The following LMO7 variants were observed in gnomAD, a reference collection of about 807,000 sequenced individuals.
The protein encoded by LMO7 is LIM domain 7, also known as LIM domain only protein 7.
Under a neutral mutation model 206.5 loss-of-function variants are expected in LMO7, and 120 were observed. The observed-to-expected ratio is 0.58, with a 90% CI of 0.50 to 0.68. The LOEUF is 0.68. LMO7 is among the 30% of genes least tolerant of loss of function. The pLI is 0.00. For synonymous variants in LMO7, 706 were observed against 681.5 expected, an observed-to-expected ratio of 1.04 and a Z score of -0.56; for missense variants, 1,959 against 1,957.9, an observed-to-expected ratio of 1.00 and a Z score of -0.01.
intron 27 of LMO7, among the ~76,000 whole-genome samples, chr13:75,849,499 TC>T (rs2060305022): frequency 5.5e-5 from 8 of 146,024 alleles, no homozygotes; most frequent in Middle Eastern, 3.5e-3. Context: ...TTTTTTTTTT[TC>T]TTTTTTTTTT....
chr13:75,773,262 C>T (rs1409225003), intron 4 of LMO7, among the ~76,000 whole-genome samples: 1 of 151,930 alleles, frequency 6.6e-6, no homozygotes, highest in Non-Finnish European at 1.5e-5. Context: ...TGGAGGTGGG[C>T]AGATTGGAGG....
chr13:75,732,371 C>G (rs1221136684), intron 3 of LMO7, among the ~76,000 whole-genome samples: 3 of 124,224 alleles, frequency 2.4e-5, no homozygotes, highest in Non-Finnish European at 5.2e-5. Context: ...TCATTTCATT[C>G]ATTTCATCTT....
At chr13:75,681,065 C>G (rs2040444146) in intron 1 of LMO7, among the ~76,000 whole-genome samples, 2 of 151,770 alleles carry the variant, frequency 1.3e-5, no homozygotes, top group African/African-American at 4.8e-5. Flanking sequence ...AATATTAGAC[C>G]TTTGTCAGAT....
At chr13:75,724,766 A>G (rs1269590367) in intron 2 of LMO7, among the ~76,000 whole-genome samples, 3 of 152,148 alleles carry the variant, frequency 2.0e-5, no homozygotes, top group South Asian at 2.1e-4. Context: ...ATGGGTGTTC[A>G]GTATTTGCCA....
chr13:75,790,637 C>T (rs918139459), intron 4 of LMO7, among the ~76,000 whole-genome samples: 1 of 152,134 alleles, frequency 6.6e-6, no homozygotes, highest in Non-Finnish European at 1.5e-5. Flanking sequence ...AAAAGAGGAT[C>T]AGACCTAGAG....
intron 3 of LMO7, among the ~76,000 whole-genome samples, chr13:75,746,227 C>G (rs1024243784): frequency 2.0e-5 from 3 of 151,982 alleles, no homozygotes; most frequent in Admixed American, 6.6e-5. Context: ...AAGAGAGAAT[C>G]TGTGGAGGAT....
chr13:75,783,139 T>C (rs1594954786), intron 4 of LMO7, among the ~76,000 whole-genome samples: 1 of 152,198 alleles, frequency 6.6e-6, no homozygotes, highest in Admixed American at 6.5e-5. Flanking sequence ...GTATATTTTA[T>C]GCACAGATGT....
intron 3 of LMO7, among the ~76,000 whole-genome samples, chr13:75,744,186 G>A (rs2046644451): frequency 6.6e-6 from 1 of 152,220 alleles, no homozygotes; most frequent in East Asian, 1.9e-4. Flanking sequence ...CCAATTAAAG[G>A]TCAGTGTCAC....
At chr13:75,742,479 C>G (rs1364084046) in intron 3 of LMO7, among the ~76,000 whole-genome samples, 1 of 152,094 alleles carries the variant, frequency 6.6e-6, no homozygotes, top group Non-Finnish European at 1.5e-5. Flanking sequence ...AACTATACTA[C>G]AGGGCTATGG....
intron 3 of LMO7, among the ~76,000 whole-genome samples, chr13:75,728,708 T>C (rs2044751914): frequency 7.5e-6 from 1 of 133,824 alleles, no homozygotes; most frequent in African/African-American, 3.2e-5. Context: ...CCCATGCCTA[T>C]ATCCTGAATG....
At chr13:75,805,239 T>C in intron 8 of LMO7, 1 of 1,151,028 alleles carries the variant, frequency 8.7e-7, no homozygotes, top group Non-Finnish European at 1.1e-6. Context: ...GTTATGTGCC[T>C]CTTCCTTTTA....
chr13:75,733,977 A>T (rs1416874134), intron 3 of LMO7, among the ~76,000 whole-genome samples: 2 of 152,218 alleles, frequency 1.3e-5, no homozygotes, highest in Admixed American at 1.3e-4. Flanking sequence ...TGTTTCTGCC[A>T]CATGATGCTT....
intron 3 of LMO7, among the ~76,000 whole-genome samples, chr13:75,755,396 A>G (rs1283902799): frequency 1.3e-5 from 2 of 151,818 alleles, no homozygotes; most frequent in Non-Finnish European, 2.9e-5. Flanking sequence ...TGTTTTCCGT[A>G]TGCTATTCTC....
chr13:75,777,871 T>C (rs1397663266), intron 4 of LMO7, among the ~76,000 whole-genome samples: 1 of 152,090 alleles, frequency 6.6e-6, no homozygotes, highest in Non-Finnish European at 1.5e-5. Flanking sequence ...GGTCTCGATC[T>C]CCTGACCTCG....
intron 1 of LMO7, among the ~76,000 whole-genome samples, chr13:75,646,707 C>T (rs1198907355): frequency 6.6e-6 from 1 of 152,152 alleles, no homozygotes; most frequent in African/African-American, 2.4e-5. Context: ...CCTCAGCCTC[C>T]CAAGTAGCTG....
intron 4 of LMO7, among the ~76,000 whole-genome samples, chr13:75,785,500 A>G (rs1292952009): frequency 1.3e-5 from 2 of 152,296 alleles, no homozygotes; most frequent in African/African-American, 4.8e-5. Flanking sequence ...ATAATTAAGT[A>G]TAAAGGAGGA....
chr13:75,856,382 C>G, intron 29 of LMO7, 124 bp from the exon 30 acceptor site: 1 of 548,208 alleles, frequency 1.8e-6, no homozygotes, highest in Non-Finnish European at 3.2e-6. Context: ...CTTTTTTTTT[C>G]TTTGCTGAAA....
upstream of LMO7, among the ~76,000 whole-genome samples, chr13:75,633,174 T>G (rs1380725600): frequency 6.6e-6 from 1 of 152,044 alleles, no homozygotes; most frequent in African/African-American, 2.4e-5. Context: ...CACTTAAAAG[T>G]TTTTGAATAG....
chr13:75,838,872 T>A (rs1477196172), intron 20 of LMO7, among the ~76,000 whole-genome samples: 1 of 152,196 alleles, frequency 6.6e-6, no homozygotes, highest in East Asian at 1.9e-4. Flanking sequence ...GTCACATGAA[T>A]GCCGTTCAAG....
Sources: allele counts gnomAD v4.1 joint callset (sites outside exome capture counted in the v4.1 genomes callset), GRCh38; gene constraint gnomAD v4.1.1; transcripts MANE v1.5; gene names NCBI Gene and HGNC (gene_info 2026-07-23, HGNC 2026-07-21).